ABHD2: variants seen among roughly 807,000 people sequenced by gnomAD.
The protein encoded by ABHD2 is abhydrolase domain containing 2, acylglycerol lipase.
In ABHD2, 20 loss-of-function variants were observed where a neutral mutation model predicts 48.1. The ratio of observed to expected loss-of-function variants is 0.42; its 90% CI spans 0.29 to 0.60. The LOEUF (loss-of-function observed/expected upper bound fraction) is 0.60. Ranked by LOEUF, ABHD2 falls within the 20% of genes least tolerant of loss-of-function variation. The probability of loss-of-function intolerance (pLI) is 0.24; values close to 1 mark genes in which losing one functional copy is unlikely to be tolerated. For missense variants in ABHD2, 405 were observed against 550.9 expected (o/e 0.74, Z 2.65); for synonymous variants, 209 against 214.2 (o/e 0.98, Z 0.21).
chr15:89,089,204 A>G (rs1901494182), intron 1 of ABHD2, among the ~76,000 whole-genome samples: 1 of 152,234 alleles, frequency 6.6e-6, no homozygotes, highest in African/African-American at 2.4e-5. Context: ...GGCGATGTCC[A>G]AGCAGTGGCC....
rs1386690070 is a variant in ABHD2, at chr15:89,201,567, A to C, written c.*6144A>C. The C allele has an allele frequency of 2.5e-6, 4 of 1,597,936 alleles. No individual in the cohort carries two copies. The African/African-American group carries it at 5.4e-5, about 21-fold the overall frequency. On this transcript the variant is annotated 3_prime_UTR_variant, in exon 11 of 11. Coordinates refer to ENST00000352732, the MANE Select transcript of ABHD2 (RefSeq NM_152924.5). ...CGGATCATAGTCAAAGGGCTGTAGC[A>C]TTACTGAAACAGTCACAGTTGACCC...
chr15:89,050,969 A>C, the ABHD2 span, among the ~76,000 whole-genome samples: 2 of 152,190 alleles, frequency 1.3e-5, no homozygotes, highest in South Asian at 4.1e-4. Context: ...ACAGTGGCTC[A>C]TACCTGCAAT....
chr15:89,058,307 C>A, the ABHD2 span, among the ~76,000 whole-genome samples: 179 of 152,310 alleles, frequency 1.2e-3, 2 homozygotes, highest in African/African-American at 4.2e-3. Context: ...TTCCTCCACA[C>A]CCACACCCCT....
intron 4 of ABHD2, among the ~76,000 whole-genome samples, chr15:89,152,762 T>C (rs2050613978): frequency 6.6e-6 from 1 of 152,286 alleles, no homozygotes; most frequent in Non-Finnish European, 1.5e-5. Flanking sequence ...ACTGAAATTT[T>C]CATTGCTGCT....
chr15:89,075,899 G>A, the ABHD2 span, among the ~76,000 whole-genome samples: 3 of 152,236 alleles, frequency 2.0e-5, no homozygotes, highest in Non-Finnish European at 2.9e-5. The surrounding 1 kb of genome is among the most constrained non-coding windows in gnomAD (Gnocchi z 4.1). Context: ...AGAGTCCCAA[G>A]CTACCAAGAT....
chr15:89,117,092 C>T (rs939944389), intron 3 of ABHD2, among the ~76,000 whole-genome samples: 10 of 152,272 alleles, frequency 6.6e-5, no homozygotes, highest in African/African-American at 2.2e-4. Flanking sequence ...GTGGCATGAT[C>T]TCGACTCACT....
chr15:89,069,246 G>T, the ABHD2 span, among the ~76,000 whole-genome samples: 2 of 150,718 alleles, frequency 1.3e-5, no homozygotes, highest in East Asian at 3.9e-4. Context: ...TCCTGTCTCA[G>T]TCTCTAGAGC....
chr15:89,183,384 A>AAAAAAAAAATATATATAT (rs61602174), intron 6 of ABHD2: 5 of 46,270 alleles, frequency 1.1e-4, no homozygotes, highest in Admixed American at 3.3e-4. Context: ...AAAAAAAAAA[A>AAAAAAAAAATATATATAT]ATATATATAT....
chr15:89,127,711 A>AGATATATATATG (rs2050152980), intron 3 of ABHD2, among the ~76,000 whole-genome samples: 1 of 88,104 alleles, frequency 1.1e-5, no homozygotes, highest in African/African-American at 6.2e-5. Context: ...ATATACATAT[A>AGATATATATATG]TATATATACA....
In ABHD2 at chr15:89,151,142, C is replaced by G. The variant is rs571710619; in HGVS notation, c.195-535C>G. Among the ~76,000 whole-genome samples, 2 of 152,302 alleles carry G rather than the reference C, an allele frequency of 1.3e-5. No homozygotes were observed. Among genetic ancestry groups the G allele is most frequent in the African/African-American group, 4.8e-5 (2 of 41,568 alleles). ...CTGGAGCATAGAGTAGTGCCCTCACCCCACAAGGCACTTACAGGCTCTTAG... is the reference window on the plus strand; with the variant it reads ...CTGGAGCATAGAGTAGTGCCCTCACGCCACAAGGCACTTACAGGCTCTTAG... On this transcript the variant is annotated intron_variant, in intron 3 of 10. Transcript: ENST00000352732. This position sits in a 1 kb window ranked among gnomAD's most constrained non-coding sequence, Gnocchi z 4.7.
the ABHD2 span, among the ~76,000 whole-genome samples, chr15:89,080,721 G>A: frequency 6.8e-6 from 1 of 147,356 alleles, no homozygotes; most frequent in African/African-American, 2.5e-5. Flanking sequence ...TTAAGATGGA[G>A]TCTCACTCTG....
chr15:89,093,472 C>T (rs767083298), intron 1 of ABHD2, among the ~76,000 whole-genome samples: 5 of 152,108 alleles, frequency 3.3e-5, no homozygotes, highest in Non-Finnish European at 5.9e-5. Flanking sequence ...TGCCTGGCCT[C>T]ATTTCCAGCA....
Position 89,186,419 on chromosome 15 carries a change from C to G in ABHD2, c.815+903C>G, listed in dbSNP as rs1248335354. Among the ~76,000 whole-genome samples, 62 of 152,300 alleles carry G rather than the reference C, an allele frequency of 4.1e-4. No homozygotes were observed. Among genetic ancestry groups the G allele is most frequent in the Non-Finnish European group, 5.9e-5 (4 of 68,026 alleles). On this transcript the variant is annotated intron_variant, in intron 7 of 10. Coordinates refer to ENST00000352732, the MANE Select transcript of ABHD2 (RefSeq NM_152924.5). The surrounding 1 kb of genome is among the most constrained non-coding windows in gnomAD (Gnocchi z 4.3). ...ATTGCTGACATCTCTGCCTCCTCCT[C>G]TACGCCTCTCATTCCCTCTAGCTGG...
intron 3 of ABHD2, among the ~76,000 whole-genome samples, chr15:89,130,029 G>A (rs917698964): frequency 6.6e-6 from 1 of 152,052 alleles, no homozygotes; most frequent in African/African-American, 2.4e-5. Flanking sequence ...TTCCACATAA[G>A]GAAATACATG....
intron 3 of ABHD2, among the ~76,000 whole-genome samples, chr15:89,135,038 T>G (rs2050280345): frequency 6.6e-6 from 1 of 152,158 alleles, no homozygotes. Context: ...TTTTAATCCT[T>G]AAAGTCATCT....
chr15:89,160,689 A>G (rs1308665248), intron 5 of ABHD2, among the ~76,000 whole-genome samples: 1 of 152,180 alleles, frequency 6.6e-6, no homozygotes. Context: ...CTCCATCATT[A>G]TGGTCCTCAC....
chr15:89,192,917 A>AT (rs1283141017), intron 9 of ABHD2, among the ~76,000 whole-genome samples: 3 of 152,230 alleles, frequency 2.0e-5, no homozygotes, highest in African/African-American at 7.2e-5. Context: ...CTCCCATGAT[A>AT]TAAACTGAAT....
chr15:89,088,055 C>T (rs1901431038), upstream of ABHD2: 1 of 152,376 alleles, frequency 6.6e-6, no homozygotes, highest in South Asian at 2.1e-4. The surrounding 1 kb of genome is among the most constrained non-coding windows in gnomAD (Gnocchi z 6.8). Context: ...GCCCAGTCGA[C>T]AGCTGACCTT....
rs2050986113 is a variant in ABHD2 at position 89,174,853 on chromosome 15, T to C, written c.539-959T>C. On this transcript the variant is annotated intron_variant, in intron 5 of 10. Transcript: ENST00000352732. This position sits in a 1 kb window ranked among gnomAD's most constrained non-coding sequence, Gnocchi z 4.1. ...TCCTCTTAGCAAAGCTGCTGAGACA[T>C]AACATGGCTTCAATAACTTCCCAAG... 6.6e-6 allele frequency among the ~76,000 whole-genome samples: 1 copy of C among 152,210 alleles called. No homozygotes were observed. Among genetic ancestry groups the C allele is most frequent in the Non-Finnish European group, 1.5e-5 (1 of 68,036 alleles).
Sources: allele counts gnomAD v4.1 joint callset (sites outside exome capture counted in the v4.1 genomes callset), GRCh38; gene constraint gnomAD v4.1.1; non-coding constraint Gnocchi (gnomAD v3.1); transcripts MANE v1.5; gene names NCBI Gene and HGNC (gene_info 2026-07-23, HGNC 2026-07-21).